IL26: variants seen among roughly 807,000 people sequenced by gnomAD.
IL26 encodes the protein interleukin 26.
A neutral mutation model predicts 21.7 loss-of-function variants in IL26; 23 were observed. The ratio of observed to expected loss-of-function variants is 1.06; its 90% confidence interval spans 0.76 to 1.50. The LOEUF (loss-of-function observed/expected upper bound fraction) is 1.50, where lower values mean the gene tolerates loss of function less well. Ranked by LOEUF, IL26 falls within the 40% of genes most tolerant of loss-of-function variation. The pLI, the probability that IL26 is intolerant of heterozygous loss-of-function variation, is 0.00. For synonymous variants in IL26, 63 were observed against 67.8 expected (o/e 0.93, Z 0.34); for missense variants, 204 against 196.0 (o/e 1.04, Z -0.24).
intron 3 of IL26, among the ~76,000 whole-genome samples, chr12:68,204,423 A>G (rs971645785): frequency 3.3e-5 from 5 of 152,118 alleles, no homozygotes; most frequent in African/African-American, 9.7e-5. Context: ...GATTACAGGC[A>G]TGAGCCGCCG....
intron 3 of IL26, among the ~76,000 whole-genome samples, chr12:68,205,488 G>T (rs1035062534): frequency 6.6e-6 from 1 of 152,032 alleles, no homozygotes; most frequent in African/African-American, 2.4e-5. Flanking sequence ...AAAATCATAA[G>T]GAAGAGAAAA....
At chr12:68,214,936 A>G (rs1158392877) in intron 3 of IL26, among the ~76,000 whole-genome samples, 3 of 142,704 alleles carry the variant, frequency 2.1e-5, no homozygotes, top group Non-Finnish European at 3.1e-5. Context: ...CTTCCTTTCT[A>G]CTGTCTTCTG....
At chr12:68,211,418 T>A (rs947171037) in intron 3 of IL26, among the ~76,000 whole-genome samples, 1 of 152,216 alleles carries the variant, frequency 6.6e-6, no homozygotes, top group African/African-American at 2.4e-5. Context: ...TTAGGATATA[T>A]ATCCAGTAGT....
At position 68,225,638 on chromosome 12, in the gene IL26, T is replaced by C. The variant is rs1480552521; in HGVS notation, c.119A>G (p.Gln40Arg). The part of the protein sequence containing the change: ...KSCYPRGTLS[Q>R]AVDALYIKAA... ...TTTGATATAGAGAGCGTCAACAGCT[T>C]GGGACAATGTTCCCCTTGGGTAACA... Residue 40 changes from glutamine to arginine, a missense_variant, in exon 1 of 5, where the codon CAA becomes CGA. Transcript: ENST00000229134. 2 of 1,614,076 alleles carry C rather than the reference T, an allele frequency of 1.2e-6. No individual in the cohort carries two copies. The highest frequency in any genetic ancestry group is 4.5e-5 in the East Asian group (2 of 44,874).
intron 3 of IL26, among the ~76,000 whole-genome samples, chr12:68,223,891 T>TTTG (rs1312145118): frequency 6.6e-6 from 1 of 151,056 alleles, no homozygotes; most frequent in Non-Finnish European, 1.5e-5. Flanking sequence ...GTGGTTTTTT[T>TTTG]TTTTTTTTTT....
At chr12:68,209,438 A>G (rs1868640770) in intron 3 of IL26, among the ~76,000 whole-genome samples, 1 of 152,206 alleles carries the variant, frequency 6.6e-6, no homozygotes, top group African/African-American at 2.4e-5. Flanking sequence ...AATGGAGAGT[A>G]GGTTCTTTTA....
At chr12:68,223,610 C>A (rs1869126521) in intron 3 of IL26, among the ~76,000 whole-genome samples, 1 of 152,140 alleles carries the variant, frequency 6.6e-6, no homozygotes, top group Non-Finnish European at 1.5e-5. Context: ...TTTAACAATG[C>A]AACTTAAATT....
In IL26 at chr12:68,225,426, G is replaced by A. The variant is rs765447072; in HGVS notation, c.228+18C>T. ...AAATAAGTGGAAATGTAAAAAAGAA[G>A]AAGACTTTCTGACTTACCATAAACT... On this transcript the variant is annotated intron_variant, in intron 2 of 4. Transcript: ENST00000229134. 3.9e-6 allele frequency: 6 copies of A among 1,555,144 alleles called. No individual in the cohort carries two copies. In the East Asian group the frequency reaches 1.1e-4, roughly 29 times the overall value.
chr12:68,220,116 T>C (rs1869005028), intron 3 of IL26, among the ~76,000 whole-genome samples: 1 of 152,114 alleles, frequency 6.6e-6, no homozygotes, highest in South Asian at 2.1e-4. Flanking sequence ...AAAAATGGCT[T>C]CACTGGTAAA....
chr12:68,213,897 C>T (rs1868803096), intron 3 of IL26, among the ~76,000 whole-genome samples: 1 of 151,898 alleles, frequency 6.6e-6, no homozygotes, highest in African/African-American at 2.4e-5. Context: ...TTTCCTTCTA[C>T]TAAATTTGGT....
chr12:68,222,804 G>T (rs1869092238), intron 3 of IL26, among the ~76,000 whole-genome samples: 1 of 152,108 alleles, frequency 6.6e-6, no homozygotes, highest in Non-Finnish European at 1.5e-5. Context: ...TCAATAGTAC[G>T]GACGGCAGGG....
At chr12:68,224,750 A>G (rs1220980797) in intron 3 of IL26, among the ~76,000 whole-genome samples, 1 of 142,072 alleles carries the variant, frequency 7.0e-6, no homozygotes, top group East Asian at 2.0e-4. Context: ...GGAAGAAGGG[A>G]GAGAGGGAGA....
Position 68,225,495 on chromosome 12 carries a change from G to C in IL26, c.177C>G (p.Asp59Glu). Reference protein sequence around the residue: ...AAWLKATIPEDRIKNIRLLKK... With the variant: ...AAWLKATIPEERIKNIRLLKK... ...TTAATAATCGTATATTTTTTATGCG[G>C]TCTTCCTACAATAATACAAAGAGAA... The change falls in exon 2 of 5, where the codon GAC becomes GAG. Residue 59 changes from aspartate (D) to glutamate (E), a missense_variant. Asp to Glu is a conservative substitution (Grantham distance 45). Transcript: ENST00000229134. The C allele has an allele frequency of 6.3e-7, 1 of 1,593,998 alleles. No homozygotes were observed. The highest frequency in any genetic ancestry group is 8.6e-7 in the Non-Finnish European group (1 of 1,162,586).
intron 3 of IL26, among the ~76,000 whole-genome samples, chr12:68,224,042 C>CA (rs1861664234): frequency 6.7e-6 from 1 of 150,310 alleles, no homozygotes; most frequent in Non-Finnish European, 1.5e-5. Flanking sequence ...AATAAACACC[C>CA]CCCCCCTCTA....
chr12:68,202,043 G>T lies in IL26; in HGVS notation c.404C>A (p.Thr135Asn), dbSNP rs367724685. 4.7e-5 allele frequency: 74 copies of T among 1,585,444 alleles called. No individual in the cohort carries two copies. The East Asian group carries it at 5.4e-4, about 12-fold the overall frequency. ...ASSAREMKSI[T>N]RMKRIFYRIG... ...CCTATAAAATATTCTTTTCATCCTG[G>T]TAATGGATTTCATCTCTCTAGCTGA... The change falls in exon 4 of 5, where the codon ACC becomes AAC. Residue 135 changes from threonine to asparagine, a missense_variant. By Grantham distance (65) the Thr-to-Asn change is moderately conservative (BLOSUM62 0). Coordinates refer to ENST00000229134, the MANE Select transcript of IL26 (RefSeq NM_018402.2).
chr12:68,209,274 A>G (rs964532928), intron 3 of IL26, among the ~76,000 whole-genome samples: 1 of 152,236 alleles, frequency 6.6e-6, no homozygotes, highest in Non-Finnish European at 1.5e-5. Context: ...ACGAGTACGG[A>G]GGCTGCAAAG....
At chr12:68,221,343 C>T (rs949828122) in intron 3 of IL26, among the ~76,000 whole-genome samples, 7 of 152,004 alleles carry the variant, frequency 4.6e-5, no homozygotes, top group Non-Finnish European at 1.0e-4. Flanking sequence ...AAGGAAAGCA[C>T]GAGGTCTCAG....
intron 3 of IL26, among the ~76,000 whole-genome samples, chr12:68,223,818 T>A (rs1869132661): frequency 6.7e-6 from 1 of 149,100 alleles, no homozygotes; most frequent in Non-Finnish European, 1.5e-5. Flanking sequence ...AAACATGCAA[T>A]CCAAACCTAA....
intron 3 of IL26, among the ~76,000 whole-genome samples, chr12:68,207,268 T>C (rs1443291009): frequency 6.6e-6 from 1 of 152,210 alleles, no homozygotes; most frequent in Non-Finnish European, 1.5e-5. Context: ...AGTTCAACTT[T>C]TTCTTGTAAT....
Sources: allele counts gnomAD v4.1 joint callset (sites outside exome capture counted in the v4.1 genomes callset), GRCh38; gene constraint gnomAD v4.1.1; transcripts MANE v1.5; gene names NCBI Gene and HGNC (gene_info 2026-07-23, HGNC 2026-07-21).